The following GDPD4 variants were observed in gnomAD, a reference collection of about 807,000 sequenced individuals.
GDPD4 encodes glycerophosphodiester phosphodiesterase 6.
A neutral mutation model predicts 67.8 loss-of-function variants in GDPD4; 60 were observed. That is an observed-to-expected ratio of 0.88 (90% CI 0.72 to 1.10). The LOEUF is 1.10. Among genes scored for constraint, GDPD4 ranks in the 50% least tolerant of loss-of-function variants. The pLI is 0.00. For missense variants in GDPD4, 623 were observed against 613.9 expected (o/e 1.01, Z -0.16); for synonymous variants, 212 against 210.9 (o/e 1.00, Z -0.04).
At chr11:77,274,255 T>C (rs1959348235) in intron 5 of GDPD4, among the ~76,000 whole-genome samples, 1 of 152,220 alleles carries the variant, frequency 6.6e-6, no homozygotes, top group Non-Finnish European at 1.5e-5. Flanking sequence ...TAACTCTAAA[T>C]TTATATTTCC....
chr11:77,277,228 A>C lies in GDPD4; in HGVS notation c.148-1008T>G, dbSNP rs954681776. ...TTCATCTACATTTTCCCCATGTAAA[A>C]AAAAAAAAAAAGTTTCTAATTGGTC... On this transcript the variant is annotated intron_variant, in intron 4 of 16. Coordinates refer to ENST00000315938, the MANE Select transcript of GDPD4 (RefSeq NM_182833.3). 1.5e-3 allele frequency among the ~76,000 whole-genome samples: 222 copies of C among 151,114 alleles called. 26 individuals carry two copies.
At chr11:77,280,401 A>G (rs1959705184) in intron 3 of GDPD4, among the ~76,000 whole-genome samples, 1 of 150,490 alleles carries the variant, frequency 6.6e-6, no homozygotes, top group Non-Finnish European at 1.5e-5. Flanking sequence ...TTAAACAGAG[A>G]TCTTGAAAAA....
intron 11 of GDPD4, among the ~76,000 whole-genome samples, chr11:77,253,317 G>A (rs1958941679): frequency 6.6e-6 from 1 of 152,176 alleles, no homozygotes; most frequent in African/African-American, 2.4e-5. Flanking sequence ...CTTGGGATGA[G>A]GCACCATGTA....
intron 15 of GDPD4, among the ~76,000 whole-genome samples, chr11:77,228,943 C>T (rs544864285): frequency 5.8e-4 from 88 of 152,296 alleles, no homozygotes; most frequent in African/African-American, 2.1e-3. Flanking sequence ...GCTTTAGTGA[C>T]AGTCCCTATC....
chr11:77,268,849 G>A, intron 9 of GDPD4, 75 bp downstream of exon 9: 1 of 1,445,840 alleles, frequency 6.9e-7, no homozygotes, highest in African/African-American at 1.4e-5. Flanking sequence ...GGGCTTCCAT[G>A]GTTCTCTTTT....
At chr11:77,217,365 T>TGTCA (rs749413830) in intron 16 of GDPD4, 51 bp from the exon 17 acceptor site, 12 of 1,370,064 alleles carry the variant, frequency 8.8e-6, no homozygotes, top group African/African-American at 1.4e-5. Context: ...CTCCACTCTC[T>TGTCA]GTCAGTCATG....
At chr11:77,222,122 C>T (rs112391639) in intron 16 of GDPD4, among the ~76,000 whole-genome samples, 2,435 of 152,242 alleles carry the variant, frequency 0.016, 22 homozygotes, top group African/African-American at 0.025. Flanking sequence ...TGTGTGTCTG[C>T]ACTTGAGATG....
chr11:77,274,715 T>G (rs1959372417), intron 5 of GDPD4, among the ~76,000 whole-genome samples: 1 of 152,212 alleles, frequency 6.6e-6, no homozygotes, highest in African/African-American at 2.4e-5. Flanking sequence ...AATTGACTGA[T>G]TTAAGACTTA....
At chr11:77,229,345 T>C (rs1958410495) in intron 14 of GDPD4, 113 bp from the exon 15 acceptor site, 2 of 627,060 alleles carry the variant, frequency 3.2e-6, no homozygotes, top group Non-Finnish European at 5.6e-6. Context: ...GAAGAGGGGA[T>C]AGACAGGCCA....
intron 10 of GDPD4, among the ~76,000 whole-genome samples, chr11:77,259,917 C>G (rs1043408154): frequency 2.0e-5 from 3 of 152,170 alleles, no homozygotes; most frequent in African/African-American, 7.2e-5. Context: ...CTAAGACAAT[C>G]GGAGCTTGCA....
intron 16 of GDPD4, among the ~76,000 whole-genome samples, chr11:77,225,958 C>T (rs1958328207): frequency 6.6e-6 from 1 of 151,666 alleles, no homozygotes; most frequent in Non-Finnish European, 1.5e-5. Context: ...CTTTGAGGTA[C>T]CCAAATAGCT....
intron 14 of GDPD4, 120 bp from the exon 15 acceptor site, chr11:77,229,352 G>A: frequency 4.9e-6 from 3 of 607,490 alleles, no homozygotes; most frequent in African/African-American, 1.9e-5. Flanking sequence ...GGATAGACAG[G>A]CCAAGGAACC....
chr11:77,284,583 C>T (rs1288879431), intron 3 of GDPD4, among the ~76,000 whole-genome samples: 1 of 152,140 alleles, frequency 6.6e-6, no homozygotes, highest in Non-Finnish European at 1.5e-5. Flanking sequence ...GGGCTGGGAA[C>T]ATTCCAGAGT....
intron 14 of GDPD4, among the ~76,000 whole-genome samples, chr11:77,229,825 T>C (rs1483191443): frequency 6.6e-6 from 1 of 152,200 alleles, no homozygotes; most frequent in African/African-American, 2.4e-5. Flanking sequence ...ATGCTCCTCT[T>C]CTATGCTCCT....
chr11:77,250,280 A>G (rs1275029860), intron 11 of GDPD4, among the ~76,000 whole-genome samples: 1 of 152,106 alleles, frequency 6.6e-6, no homozygotes, highest in African/African-American at 2.4e-5. Context: ...TATTGTTGCC[A>G]TCTTTATGTT....
intron 5 of GDPD4, among the ~76,000 whole-genome samples, chr11:77,274,938 T>C (rs1047181148): frequency 2.2e-4 from 34 of 152,156 alleles, no homozygotes; most frequent in African/African-American, 8.0e-4. Flanking sequence ...AATGAGAACA[T>C]ACCATTAGAT....
At chr11:77,217,420 C>G in intron 16 of GDPD4, 106 bp from the exon 17 acceptor site, 2 of 903,162 alleles carry the variant, frequency 2.2e-6, no homozygotes, top group Admixed American at 1.7e-5. Flanking sequence ...CTCCCTTACC[C>G]TTTCAGGTTC....
intron 1 of GDPD4, among the ~76,000 whole-genome samples, chr11:77,292,065 G>C (rs1185920990): frequency 4.6e-5 from 7 of 151,814 alleles, no homozygotes; most frequent in Non-Finnish European, 1.0e-4. Context: ...TACTTGATGT[G>C]TTTTTGGTAT....
rs1200263276 is a variant in GDPD4 at position 77,258,342 on chromosome 11, C to G, written c.864+44G>C. 5 of 1,592,592 alleles carry G rather than the reference C, an allele frequency of 3.1e-6. No individual in the cohort carries two copies. The South Asian group carries it at 4.4e-5, about 14-fold the overall frequency. On this transcript the variant is annotated intron_variant, in intron 11 of 16. Coordinates refer to ENST00000315938, the MANE Select transcript of GDPD4 (RefSeq NM_182833.3). ...TTCAGGAGCAGCACATGATCTCTTA[C>G]AAAAATTCAATGCAGGTTTGTGGAA...
Sources: allele counts gnomAD v4.1 joint callset (sites outside exome capture counted in the v4.1 genomes callset), GRCh38; gene constraint gnomAD v4.1.1; transcripts MANE v1.5; gene names NCBI Gene and HGNC (gene_info 2026-07-23, HGNC 2026-07-21).